Variants in CERKL observed in about 807,000 individuals in gnomAD.
The protein encoded by CERKL is CERK like autophagy regulator.
A neutral mutation model predicts 63.4 loss-of-function variants in CERKL; 61 were observed. The ratio of observed to expected loss-of-function variants is 0.96; its 90% CI spans 0.78 to 1.19. CERKL has a LOEUF of 1.19. Ranked by LOEUF, CERKL falls within the 50% of genes most tolerant of loss-of-function variation. The pLI, the probability that CERKL is intolerant of heterozygous loss-of-function variation, is 0.00. For synonymous variants in CERKL, 250 were observed against 230.5 expected, an observed-to-expected ratio of 1.08 and a Z score of -0.77; for missense variants, 675 against 655.5, an observed-to-expected ratio of 1.03 and a Z score of -0.33.
chr2:181,589,339 C>CT (rs1559092553), intron 2 of CERKL, among the ~76,000 whole-genome samples: 1 of 152,080 alleles, frequency 6.6e-6, no homozygotes, highest in Admixed American at 6.6e-5. Context: ...ATTGGCAGCT[C>CT]TTTTTTTGGC....
At chr2:181,541,062 A>C (rs1412447063) in intron 11 of CERKL, among the ~76,000 whole-genome samples, 1 of 152,218 alleles carries the variant, frequency 6.6e-6, no homozygotes, top group East Asian at 1.9e-4. Flanking sequence ...TGGCCCTCAA[A>C]TTCCTGTATT....
chr2:181,562,521 A>G (rs920122592), intron 4 of CERKL, among the ~76,000 whole-genome samples: 2 of 152,172 alleles, frequency 1.3e-5, no homozygotes, highest in African/African-American at 2.4e-5. Flanking sequence ...CTAAATATAC[A>G]AGAAAGGCAA....
chr2:181,553,874 T>C (rs181213240), intron 5 of CERKL, among the ~76,000 whole-genome samples: 1 of 152,310 alleles, frequency 6.6e-6, no homozygotes, highest in African/African-American at 2.4e-5. Flanking sequence ...TTACATTTTG[T>C]TTCAGGAAAC....
At chr2:181,538,637 T>G (rs926802399) in intron 12 of CERKL, among the ~76,000 whole-genome samples, 1 of 152,124 alleles carries the variant, frequency 6.6e-6, no homozygotes, top group African/African-American at 2.4e-5. Flanking sequence ...CCAAGGGAAG[T>G]TGAATGCTCT....
In CERKL at chr2:181,652,377, A is replaced by G. The variant is rs187984794; in HGVS notation, c.238+4392T>C. Among the ~76,000 whole-genome samples, 5 of 152,344 alleles carry G rather than the reference A, an allele frequency of 3.3e-5. No homozygotes were observed. The East Asian group carries it at 9.6e-4, about 29-fold the overall frequency. On this transcript the variant is annotated intron_variant, in intron 1 of 12. Transcript: ENST00000410087. ...AGCCAACTGAATTTTTAAGATGTCA[A>G]GAACATGCACTGGGAAAAAGACAGT...
intron 2 of CERKL, among the ~76,000 whole-genome samples, chr2:181,603,561 C>T (rs1000750715): frequency 2.6e-5 from 4 of 152,020 alleles, no homozygotes; most frequent in Non-Finnish European, 4.4e-5. Context: ...ACACCATGGC[C>T]ATTGGGGAGT....
At chr2:181,585,916 A>C (rs1315621814) in intron 2 of CERKL, among the ~76,000 whole-genome samples, 1 of 152,172 alleles carries the variant, frequency 6.6e-6, no homozygotes, top group Non-Finnish European at 1.5e-5. Context: ...TTGAACTCAG[A>C]GTGCTGTCTC....
At chr2:181,539,510 G>A (rs1248278151) in intron 11 of CERKL, among the ~76,000 whole-genome samples, 2 of 152,082 alleles carry the variant, frequency 1.3e-5, no homozygotes, top group African/African-American at 2.4e-5. Context: ...ACATATCTGT[G>A]AGAAGTTACA....
Position 181,620,374 on chromosome 2 carries a change from G to A in CERKL, c.239-16295C>T, listed in dbSNP as rs913814077. ...GATCCCATTACTTCCCAGCAGTCAC[G>A]GTGAGGATATCGCACAGCCCTCTAA... On this transcript the variant is annotated intron_variant, in intron 1 of 12. Coordinates refer to ENST00000410087, the MANE Select transcript of CERKL (RefSeq NM_201548.5). Among the ~76,000 whole-genome samples, 7 of 152,082 alleles carry A rather than the reference G, an allele frequency of 4.6e-5. No individual in the cohort carries two copies. In the South Asian group the frequency reaches 6.2e-4, roughly 14 times the overall value.
At chr2:181,545,778 C>T (rs1687701182) in intron 10 of CERKL, among the ~76,000 whole-genome samples, 1 of 152,160 alleles carries the variant, frequency 6.6e-6, no homozygotes, top group African/African-American at 2.4e-5. Context: ...GGTAGTGTTA[C>T]TGTGCATCTT....
chr2:181,652,436 T>C (rs894793414), intron 1 of CERKL, among the ~76,000 whole-genome samples: 2 of 152,146 alleles, frequency 1.3e-5, no homozygotes, highest in Non-Finnish European at 2.9e-5. Context: ...AAATCAGATA[T>C]TCACATGCAG....
At chr2:181,556,306 A>G in intron 5 of CERKL, among the ~76,000 whole-genome samples, 1 of 151,998 alleles carries the variant, frequency 6.6e-6, no homozygotes, top group South Asian at 2.1e-4. Flanking sequence ...GGTTTGTTAC[A>G]TATGTATACA....
At chr2:181,646,438 T>C (rs1301952776) in intron 1 of CERKL, among the ~76,000 whole-genome samples, 1 of 152,226 alleles carries the variant, frequency 6.6e-6, no homozygotes, top group African/African-American at 2.4e-5. Context: ...GCTGAATAAT[T>C]AGTGAGTTCC....
At chr2:181,562,218 A>G (rs1688478849) in intron 4 of CERKL, among the ~76,000 whole-genome samples, 1 of 152,160 alleles carries the variant, frequency 6.6e-6, no homozygotes, top group South Asian at 2.1e-4. Flanking sequence ...TCAGAAAATC[A>G]TTGAATTCAT....
At chr2:181,580,950 C>T (rs745920015) in intron 2 of CERKL, among the ~76,000 whole-genome samples, 14 of 152,074 alleles carry the variant, frequency 9.2e-5, no homozygotes, top group Non-Finnish European at 1.8e-4. Context: ...GTTTAGATTT[C>T]CTATGTCTTC....
At chr2:181,630,394 G>T (rs146021423) in intron 1 of CERKL, among the ~76,000 whole-genome samples, 4 of 152,278 alleles carry the variant, frequency 2.6e-5, no homozygotes, top group African/African-American at 4.8e-5. Context: ...GAAAACTATA[G>T]CAAATCACGT....
chr2:181,552,330 G>A (rs1334369925), intron 5 of CERKL, among the ~76,000 whole-genome samples: 2 of 152,160 alleles, frequency 1.3e-5, no homozygotes, highest in Admixed American at 1.3e-4. Context: ...GAGAGACCAG[G>A]TAGGAGTAAT....
At chr2:181,570,530 A>C (rs1688859735) in intron 3 of CERKL, among the ~76,000 whole-genome samples, 2 of 152,168 alleles carry the variant, frequency 1.3e-5, no homozygotes, top group African/African-American at 4.8e-5. Flanking sequence ...TTTGTGTACG[A>C]ATAGGTAATT....
intron 2 of CERKL, among the ~76,000 whole-genome samples, chr2:181,576,455 T>C (rs1236331610): frequency 6.6e-6 from 1 of 152,226 alleles, no homozygotes; most frequent in African/African-American, 2.4e-5. Flanking sequence ...AGGACAATAT[T>C]GCTGTCCTTT....
Sources: gnomAD v4.1 joint callset for allele counts (sites outside exome capture counted in the v4.1 genomes callset) on GRCh38, gnomAD v4.1.1 for gene constraint, MANE v1.5 for transcripts, NCBI Gene and HGNC (gene_info 2026-07-23, HGNC 2026-07-21) for gene names.